PLXDC1: variants seen among roughly 807,000 people sequenced by gnomAD.
The protein encoded by PLXDC1 is plexin domain containing 1.
Under a neutral mutation model 61.3 loss-of-function variants are expected in PLXDC1, and 39 were observed. The observed-to-expected ratio is 0.64, with a 90% CI of 0.49 to 0.83. The LOEUF is 0.83. Among genes scored for constraint, PLXDC1 ranks in the 40% least tolerant of loss-of-function variants. The pLI is 0.00. For missense variants in PLXDC1, 596 were observed against 666.5 expected (o/e 0.89, Z 1.17); for synonymous variants, 212 against 254.5 (o/e 0.83, Z 1.59).
chr17:39,063,506 C>A lies in PLXDC1; in HGVS notation c.*4334G>T. The A allele has an allele frequency of 2.8e-6, 2 of 702,986 alleles. No homozygotes were observed. The allele number at this position is 702,986 out of a possible 1,614,324, so 43.5% of individuals were successfully genotyped here. A position where few individuals can be genotyped will look rare whatever the true frequency, so the allele number is the denominator to read the frequency against. The stretch of plus-strand genomic sequence containing the variant: ...CTGGAGGCTGTTCCCACAGTCATGT[C>A]TCAGCGAAGAAGTCGGAGTTCAGCA... On this transcript the variant is annotated 3_prime_UTR_variant, in exon 14 of 14. Transcript: ENST00000315392.
rs1257055297 is a variant in PLXDC1, at chr17:39,138,653, G to A, written c.255+1001C>T. Among the ~76,000 whole-genome samples the A allele has an allele frequency of 2.6e-5, 4 of 151,928 alleles. No homozygotes were observed. The East Asian group carries it at 7.7e-4, about 29-fold the overall frequency. Reference sequence around the variant, plus strand: ...AGACAGAGCCTTCTGAGAAAGGGAAGGGGGCAGGCCCCAGGGGAGAGGAGG... The same window carrying A: ...AGACAGAGCCTTCTGAGAAAGGGAAAGGGGCAGGCCCCAGGGGAGAGGAGG... On this transcript the variant is annotated intron_variant, in intron 2 of 13. Coordinates refer to ENST00000315392, the MANE Select transcript of PLXDC1 (RefSeq NM_020405.5).
intron 3 of PLXDC1, 39 bp from the exon 4 acceptor site, chr17:39,109,012 C>T: frequency 6.6e-7 from 1 of 1,520,042 alleles, no homozygotes; most frequent in Non-Finnish European, 9.1e-7. Context: ...GGCCAAGCTG[C>T]AGGCCAGGGG....
At chr17:39,139,515 G>A (rs1053286480) in intron 2 of PLXDC1, 139 bp downstream of exon 2, 7 of 751,134 alleles carry the variant, frequency 9.3e-6, no homozygotes, top group East Asian at 5.5e-5. Context: ...CCTCCCCGGG[G>A]ATTCTTCTCT....
chr17:39,111,573 C>G (rs1910803277), intron 2 of PLXDC1, among the ~76,000 whole-genome samples: 1 of 152,216 alleles, frequency 6.6e-6, no homozygotes, highest in African/African-American at 2.4e-5. Context: ...GTGTGAGCCA[C>G]TGCGCCTAGC....
intron 2 of PLXDC1, among the ~76,000 whole-genome samples, chr17:39,128,522 A>G (rs1911427008): frequency 6.6e-6 from 1 of 151,598 alleles, no homozygotes; most frequent in African/African-American, 2.4e-5. Context: ...ACCCAGCCCT[A>G]TAATTTTTTA....
intron 11 of PLXDC1, chr17:39,073,236 A>C (rs1909194147): frequency 6.6e-6 from 1 of 152,138 alleles, no homozygotes; most frequent in African/African-American, 2.4e-5. Context: ...TGTGTTGCCC[A>C]GGCTGGTCTC....
chr17:39,108,786 A>G, intron 4 of PLXDC1, 118 bp downstream of exon 4: 1 of 703,908 alleles, frequency 1.4e-6, no homozygotes, highest in Admixed American at 2.1e-5. Context: ...TATTAGAGCC[A>G]AATGTGCCTT....
chr17:39,109,521 G>A (rs1910721700), intron 2 of PLXDC1, 130 bp from the exon 3 acceptor site: 4 of 1,122,656 alleles, frequency 3.6e-6, no homozygotes, highest in Non-Finnish European at 3.8e-6. Flanking sequence ...TGGACCTGTG[G>A]CCCCAAGGGC....
chr17:39,133,797 T>C (rs1911641623), intron 2 of PLXDC1, among the ~76,000 whole-genome samples: 2 of 152,134 alleles, frequency 1.3e-5, no homozygotes, highest in Admixed American at 6.5e-5. Flanking sequence ...TTTTTAAAAA[T>C]GGATTTTTTG....
chr17:39,144,651 A>G (rs1912039358), intron 1 of PLXDC1: 1 of 152,292 alleles, frequency 6.6e-6, no homozygotes, highest in African/African-American at 2.4e-5. Context: ...ATGTGCTCAC[A>G]CACAAGTTGG....
chr17:39,099,305 G>A (rs557206036), intron 7 of PLXDC1, among the ~76,000 whole-genome samples: 140 of 152,298 alleles, frequency 9.2e-4, no homozygotes, highest in Non-Finnish European at 1.5e-3. Context: ...AGCCTCAGAG[G>A]CAGATGCTAC....
intron 7 of PLXDC1, among the ~76,000 whole-genome samples, chr17:39,098,198 T>A (rs1247702907): frequency 2.5e-5 from 2 of 78,990 alleles, no homozygotes; most frequent in African/African-American, 5.5e-5. Context: ...AGAGTGAAAC[T>A]CCATCTCAAA....
intron 11 of PLXDC1, among the ~76,000 whole-genome samples, chr17:39,075,997 G>A (rs566072127): frequency 6.7e-6 from 1 of 148,572 alleles, no homozygotes; most frequent in African/African-American, 2.5e-5. Context: ...AGAATTGCTT[G>A]AACCTGGGAG....
In PLXDC1 at chr17:39,139,767, C is replaced by T. The variant is rs770384953; in HGVS notation, c.142G>A (p.Ala48Thr). 6.2e-6 allele frequency: 10 copies of T among 1,614,018 alleles called. No homozygotes were observed. Among genetic ancestry groups the T allele is most frequent in the East Asian group, 4.5e-5 (2 of 44,884 alleles). Residue 48 changes from alanine to threonine, a missense_variant, in exon 2 of 14, where the codon GCC (alanine) becomes ACC (threonine). Transcript: ENST00000315392. ...KGTVRGWNRR[A>T]RESPGHVSEP... ...GACACATGCCCAGGGCTCTCTCGGG[C>T]TCTCCGGTTCCAGCCCCGCACGGTC...
At chr17:39,098,310 G>C (rs1007786108) in intron 7 of PLXDC1, among the ~76,000 whole-genome samples, 4 of 151,900 alleles carry the variant, frequency 2.6e-5, no homozygotes, top group Non-Finnish European at 5.9e-5. Context: ...TGACAAAAAG[G>C]GATGCAATTT....
chr17:39,113,513 C>T (rs934305049), intron 2 of PLXDC1, among the ~76,000 whole-genome samples: 15 of 152,158 alleles, frequency 9.9e-5, no homozygotes, highest in Non-Finnish European at 1.8e-4. Context: ...GGTTACGCCC[C>T]TTCCGCCATT....
Position 39,105,947 on chromosome 17 carries a change from T to C in PLXDC1, c.718A>G (p.Met240Val), listed in dbSNP as rs374289252. The change falls in exon 7 of 14, where the codon ATG becomes GTG. Residue 240 changes from methionine (M) to valine (V), a missense_variant. Transcript: ENST00000315392. ...RIVFAYKEIP[M>V]SVPEISSSQH... ...GAGGAGCTGATTTCCGGGACAGACA[T>C]AGGGATCTGCGGCAGGGAGAAGAGA... 2 of 1,612,526 alleles carry C rather than the reference T, an allele frequency of 1.2e-6. No individual in the cohort carries two copies. The highest frequency in any genetic ancestry group is 1.7e-6 in the Non-Finnish European group (2 of 1,178,674).
At chr17:39,140,758 G>T (rs1414218805) in intron 1 of PLXDC1, among the ~76,000 whole-genome samples, 1 of 152,194 alleles carries the variant, frequency 6.6e-6, no homozygotes, top group Non-Finnish European at 1.5e-5. Flanking sequence ...GTGGGGTCAG[G>T]GGACTAGAAG....
At chr17:39,108,742 C>T (rs1247978062) in intron 4 of PLXDC1, 162 bp downstream of exon 4, 25 of 629,168 alleles carry the variant, frequency 4.0e-5, no homozygotes, top group Non-Finnish European at 5.5e-5. Flanking sequence ...GATGCTCTGA[C>T]GTCCACTGAC....
Sources: allele counts gnomAD v4.1 joint callset (sites outside exome capture counted in the v4.1 genomes callset), GRCh38; gene constraint gnomAD v4.1.1; transcripts MANE v1.5; gene names NCBI Gene and HGNC (gene_info 2026-07-23, HGNC 2026-07-21).